HPS4: variants seen among roughly 807,000 people sequenced by gnomAD.
HPS4 encodes BLOC-3 complex member HPS4.
HPS4 carries 44 observed loss-of-function variants against 70.3 expected under a neutral mutation model. The observed-to-expected ratio is 0.63, with a 90% CI of 0.49 to 0.80. The LOEUF (loss-of-function observed/expected upper bound fraction) is 0.80. Among genes scored for constraint, HPS4 ranks in the 30% least tolerant of loss-of-function variants. HPS4 has a pLI of 0.00. For missense variants in HPS4, 873 were observed against 884.4 expected (o/e 0.99, Z 0.16); for synonymous variants, 377 against 355.9 (o/e 1.06, Z -0.67).
At chr22:26,473,111 A>T (rs1359739018) in intron 4 of HPS4, among the ~76,000 whole-genome samples, 172 bp from the exon 5 acceptor site, 1 of 152,220 alleles carries the variant, frequency 6.6e-6, no homozygotes, top group Non-Finnish European at 1.5e-5. Flanking sequence ...TCCATGGACA[A>T]GTAAGTTCTG....
chr22:26,466,015 A>G, intron 9 of HPS4: 1 of 1,493,528 alleles, frequency 6.7e-7, no homozygotes, highest in South Asian at 1.2e-5. Flanking sequence ...GTCTGAAAGC[A>G]GGGATTTGAC....
chr22:26,477,561 T>C (rs1177526007), intron 3 of HPS4, among the ~76,000 whole-genome samples: 3 of 152,092 alleles, frequency 2.0e-5, no homozygotes, highest in South Asian at 2.1e-4. Context: ...ACCCCAACTA[T>C]CCATGTCAGA....
In HPS4 at chr22:26,463,980, C is replaced by T. The variant is rs781455905; in HGVS notation, c.1650G>A (p.Gly550=). 7.4e-6 allele frequency: 12 copies of T among 1,614,258 alleles called. No individual in the cohort carries two copies. The East Asian group carries it at 2.5e-4, about 33-fold the overall frequency. Residue 550 remains glycine, a synonymous_variant, in exon 11 of 14, where the codon GGG becomes GGA. Transcript: ENST00000398145. ...RMNLYTHCVK[G]LVLSLLAEEP... ...CCTCAGCCAGCAGGGACAGCACCAG[C>T]CCTTTGACGCAGTGAGTGTAGAGAT... is the stretch of plus-strand genomic sequence containing the variant.
chr22:26,478,786 C>T (rs966009891), intron 3 of HPS4, among the ~76,000 whole-genome samples: 2 of 151,882 alleles, frequency 1.3e-5, no homozygotes, highest in African/African-American at 2.4e-5. Context: ...TGGATTCAAG[C>T]GATTCTCGTG....
rs2146553083 is a variant in HPS4 at position 26,464,411 on chromosome 22, TGA to T, written c.1217_1218del (p.Leu406GlnfsTer12). ...DGRAPYCKAS[L>X]SASSSLEPTP... ...GTGGGTTCCAGGCTGCTGGAGGCGC[TGA>T]GAGATGCCTTGCAGTAAGGAGCCCT... is the stretch of plus-strand genomic sequence containing the variant. On this transcript the variant is annotated frameshift_variant, in exon 11 of 14. Coordinates refer to ENST00000398145, the MANE Select transcript of HPS4 (RefSeq NM_022081.6). LOFTEE classifies it high-confidence loss of function. The T allele has an allele frequency of 3.7e-6, 6 of 1,614,138 alleles. No homozygotes were observed. The highest frequency in any genetic ancestry group is 4.2e-6 in the Non-Finnish European group (5 of 1,180,032).
chr22:26,448,717 T>G (rs2085038027), downstream of HPS4, among the ~76,000 whole-genome samples: 2 of 152,308 alleles, frequency 1.3e-5, no homozygotes, highest in South Asian at 4.1e-4. Flanking sequence ...ACAGCTAATT[T>G]CAGGTTTGGA....
At position 26,459,274 on chromosome 22, in the gene HPS4, C is replaced by T. The variant is rs117877268; in HGVS notation, c.1714-697G>A. Among the ~76,000 whole-genome samples the T allele has an allele frequency of 3.5e-3, 540 of 152,228 alleles. 14 individuals are homozygous for T. In the East Asian group the frequency reaches 0.065, roughly 18 times the overall value. On this transcript the variant is annotated intron_variant, in intron 11 of 13. Transcript: ENST00000398145. ...TTCAGAAGAGGAATACAGTTGAGGA[C>T]GACTGTCAAGGAGATGGGTTCAAGT...
Position 26,453,230 on chromosome 22 carries a change from AG to A in HPS4, c.*2del, listed in dbSNP as rs2085495712. ...TCCTTCCCAGTCACCTCCTGGGTGC[AG>A]TTCAGAGCAAGTTCACCCCGTGCTT... On this transcript the variant is annotated 3_prime_UTR_variant, in exon 14 of 14. Transcript: ENST00000398145. 1.2e-6 allele frequency: 2 copies of A among 1,614,032 alleles called. No individual in the cohort carries two copies. Among genetic ancestry groups the A allele is most frequent in the African/African-American group, 2.7e-5 (2 of 74,948 alleles).
chr22:26,452,010 A>G lies in HPS4; in HGVS notation c.*1223T>C, dbSNP rs1367343497. On this transcript the variant is annotated 3_prime_UTR_variant, in exon 14 of 14. Transcript: ENST00000398145. ...TACGCGCGCGCGCGCGCGCGCACACACACACACACACACACACACACACAC... is the reference window on the plus strand; with the variant it reads ...TACGCGCGCGCGCGCGCGCGCACACGCACACACACACACACACACACACAC... 4.6e-3 allele frequency: 772 copies of G among 169,274 alleles called. 8 individuals carry two copies. Among genetic ancestry groups the G allele is most frequent in the African/African-American group, 0.033 (685 of 20,804 alleles). 10.5% of individuals were successfully genotyped at this position (169,274 alleles called of 1,614,324 possible).
At position 26,451,031 on chromosome 22, in the gene HPS4, T is replaced by C. The variant is rs995026603; in HGVS notation, c.*2202A>G. Reference sequence around the variant, plus strand: ...CACAGAGGAAGCCAAAACAGAGGCTTTTCTGCCCTGAAGAGTCACTAGAAT... The same window carrying C: ...CACAGAGGAAGCCAAAACAGAGGCTCTTCTGCCCTGAAGAGTCACTAGAAT... On this transcript the variant is annotated 3_prime_UTR_variant, in exon 14 of 14. Transcript: ENST00000398145. 8.5e-5 allele frequency among the ~76,000 whole-genome samples: 13 copies of C among 152,184 alleles called. No individual in the cohort carries two copies. Among genetic ancestry groups the C allele is most frequent in the African/African-American group, 3.1e-4 (13 of 41,448 alleles).
downstream of HPS4, among the ~76,000 whole-genome samples, chr22:26,448,103 C>T (rs888726217): frequency 3.9e-5 from 6 of 152,200 alleles, no homozygotes; most frequent in East Asian, 1.9e-4. Context: ...CAGCACAGCG[C>T]ATCTTCTGAA....
chr22:26,451,985 TACGCGC>T lies in HPS4; in HGVS notation c.*1242_*1247del, dbSNP rs1170002775. The T allele has an allele frequency of 5.6e-5, 3 of 53,540 alleles. No individual in the cohort carries two copies. The highest frequency in any genetic ancestry group is 3.1e-4 in the African/African-American group (2 of 6,554). The allele number at this position is 53,540 out of a possible 1,614,324, so 3.3% of individuals were successfully genotyped here. ...AAGGAAAAGAGGGATGCGCCCACGT[TACGCGC>T]GCGCGCGCGCGCGCACACACACACA... On this transcript the variant is annotated 3_prime_UTR_variant, in exon 14 of 14. Transcript: ENST00000398145.
downstream of HPS4, among the ~76,000 whole-genome samples, chr22:26,446,903 T>C (rs570357196): frequency 1.9e-3 from 296 of 152,262 alleles, 1 homozygote; most frequent in African/African-American, 6.7e-3. Flanking sequence ...AATTCTTGTA[T>C]TTTTAGTAGA....
chr22:26,443,456 G>A (rs2084873013), downstream of HPS4: 1 of 441,822 alleles, frequency 2.3e-6, no homozygotes, highest in South Asian at 2.3e-5. Flanking sequence ...ACTCCTTTCT[G>A]GCCTAACAGC....
chr22:26,465,352 A>G (rs2088318543), intron 10 of HPS4, 103 bp downstream of exon 10: 2 of 810,674 alleles, frequency 2.5e-6, no homozygotes. Context: ...GGGAAGATGG[A>G]ATTAAGGAAC....
chr22:26,469,169 G>A (rs2089300120), intron 7 of HPS4, among the ~76,000 whole-genome samples: 1 of 151,974 alleles, frequency 6.6e-6, no homozygotes, highest in Admixed American at 6.6e-5. Context: ...GGGAGAGGCT[G>A]GGCACAGTGG....
Position 26,483,765 on chromosome 22 carries a change from CTG to C in HPS4, c.-572_-571del. On this transcript the variant is annotated 5_prime_UTR_variant, in exon 1 of 14. Transcript: ENST00000398145. ...GGTACCTGCGACTTCTGCCCCGTAC[CTG>C]CGCGCGCGGCAGAGAGGCCTTAGGT... The C allele has an allele frequency of 1.6e-6, 1 of 617,236 alleles. No homozygotes were observed. The highest frequency in any genetic ancestry group is 2.4e-6 in the Non-Finnish European group (1 of 416,902). 38.2% of individuals were successfully genotyped at this position (617,236 alleles called of 1,614,324 possible).
intron 10 of HPS4, among the ~76,000 whole-genome samples, chr22:26,465,116 G>A (rs1249468238): frequency 6.6e-6 from 1 of 152,312 alleles, no homozygotes; most frequent in Non-Finnish European, 1.5e-5. Flanking sequence ...ACTAGGTGCT[G>A]TACCTATACT....
chr22:26,476,167 A>C (rs1420491953), intron 4 of HPS4: 1 of 152,178 alleles, frequency 6.6e-6, no homozygotes, highest in Admixed American at 6.5e-5. Context: ...TTCACTGTAA[A>C]ATTCAACTGT....
Sources: gnomAD v4.1 joint callset for allele counts (sites outside exome capture counted in the v4.1 genomes callset) on GRCh38, gnomAD v4.1.1 for gene constraint, MANE v1.5 for transcripts, NCBI Gene and HGNC (gene_info 2026-07-23, HGNC 2026-07-21) for gene names.